Variants in KLHL32 observed in about 807,000 individuals in gnomAD.
KLHL32 encodes kelch like family member 32.
A neutral mutation model predicts 64.8 loss-of-function variants in KLHL32; 35 were observed. That is an observed-to-expected ratio of 0.54 (90% confidence interval 0.41 to 0.72). KLHL32 has a LOEUF of 0.72. KLHL32 is among the 30% of genes least tolerant of loss of function. KLHL32 has a pLI of 0.00. For missense variants in KLHL32, 589 were observed against 768.5 expected (o/e 0.77, Z 2.76); for synonymous variants, 259 against 281.0 (o/e 0.92, Z 0.78).
At chr6:96,946,246 T>C (rs996783448) in intron 1 of KLHL32, among the ~76,000 whole-genome samples, 2 of 152,208 alleles carry the variant, frequency 1.3e-5, no homozygotes, top group East Asian at 1.9e-4. Context: ...AGAATAGATA[T>C]ATAATATCTA....
chr6:97,051,248 C>T (rs956927447), intron 4 of KLHL32, among the ~76,000 whole-genome samples: 1 of 152,132 alleles, frequency 6.6e-6, no homozygotes, highest in African/African-American at 2.4e-5. Context: ...GTGTAAAAAT[C>T]CATTCAAATG....
chr6:97,024,909 CAT>C (rs1468430533), intron 3 of KLHL32: 1 of 757,654 alleles, frequency 1.3e-6, no homozygotes, highest in Non-Finnish European at 1.6e-6. Flanking sequence ...ATTTTTCTGC[CAT>C]ATCTTTTCTA....
At chr6:97,049,283 G>A (rs905204878) in intron 4 of KLHL32, among the ~76,000 whole-genome samples, 2 of 152,090 alleles carry the variant, frequency 1.3e-5, no homozygotes, top group African/African-American at 2.4e-5. Context: ...GTACCTTGGG[G>A]CCATTATTAA....
chr6:96,903,867 C>A, the KLHL32 span, among the ~76,000 whole-genome samples: 9 of 152,250 alleles, frequency 5.9e-5, no homozygotes, highest in Admixed American at 5.2e-4. Flanking sequence ...TATTGACCAG[C>A]TCACAAAGAA....
chr6:97,080,107 G>A lies in KLHL32; in HGVS notation c.412-5019G>A, dbSNP rs116418952. 6.6e-3 allele frequency among the ~76,000 whole-genome samples: 1,004 copies of A among 152,276 alleles called. 13 individuals are homozygous for A. Among genetic ancestry groups the A allele is most frequent in the African/African-American group, 0.023 (976 of 41,536 alleles). On this transcript the variant is annotated intron_variant, in intron 5 of 10. Transcript: ENST00000369261. ...TGTTGGACTGTAAAAGAAATTTGGG[G>A]TGGATTGATTTTTTTGTCACAGAAG...
intron 7 of KLHL32, among the ~76,000 whole-genome samples, chr6:97,123,708 GGGA>G (rs1195613268): frequency 6.6e-6 from 1 of 152,098 alleles, no homozygotes. Context: ...GGGTGGGGGA[GGGA>G]GATCAAAACT....
intron 3 of KLHL32, among the ~76,000 whole-genome samples, chr6:96,987,475 A>G (rs543952894): frequency 3.3e-5 from 5 of 152,222 alleles, no homozygotes; most frequent in Non-Finnish European, 7.3e-5. Context: ...ATGGAAGAAC[A>G]TTCCATGCTT....
chr6:96,998,679 C>G (rs980926088), intron 3 of KLHL32, among the ~76,000 whole-genome samples: 3 of 152,128 alleles, frequency 2.0e-5, no homozygotes, highest in Non-Finnish European at 4.4e-5. Flanking sequence ...TGCTTGAGGC[C>G]AAGCAAGTAC....
chr6:96,901,293 C>G, the KLHL32 span, among the ~76,000 whole-genome samples: 1 of 150,622 alleles, frequency 6.6e-6, no homozygotes, highest in Non-Finnish European at 1.5e-5. Flanking sequence ...AGGATAAAAT[C>G]AAGGTGTCAG....
At chr6:96,984,684 A>G (rs975536296) in intron 3 of KLHL32, among the ~76,000 whole-genome samples, 2 of 152,078 alleles carry the variant, frequency 1.3e-5, no homozygotes, top group Non-Finnish European at 2.9e-5. Context: ...ATCAGAGACT[A>G]GGATTGCAAC....
intron 4 of KLHL32, among the ~76,000 whole-genome samples, chr6:97,045,479 G>A (rs917924149): frequency 7.2e-6 from 1 of 139,332 alleles, no homozygotes; most frequent in Non-Finnish European, 1.5e-5. Flanking sequence ...GGATGAAATA[G>A]TAATTTTTTT....
chr6:96,932,574 C>CTTTTTT (rs1562168739), intron 1 of KLHL32, among the ~76,000 whole-genome samples: 1 of 133,876 alleles, frequency 7.5e-6, no homozygotes, highest in Non-Finnish European at 1.6e-5. Context: ...TCCCCCCCCC[C>CTTTTTT]CTTTTTTTTT....
At chr6:97,062,863 T>C (rs1399747837) in intron 4 of KLHL32, among the ~76,000 whole-genome samples, 1 of 152,198 alleles carries the variant, frequency 6.6e-6, no homozygotes, top group Non-Finnish European at 1.5e-5. Flanking sequence ...GAATGATGGC[T>C]GTTCAGGGGT....
chr6:96,944,398 A>C (rs1250271901), intron 1 of KLHL32, among the ~76,000 whole-genome samples: 1 of 152,202 alleles, frequency 6.6e-6, no homozygotes, highest in Non-Finnish European at 1.5e-5. Flanking sequence ...TTTACAATAG[A>C]CCTACATAAT....
At position 97,125,906 on chromosome 6, in the gene KLHL32, G is replaced by C. The variant is rs929825446; in HGVS notation, c.1355-1498G>C. On this transcript the variant is annotated intron_variant, in intron 7 of 10. Coordinates refer to ENST00000369261, the MANE Select transcript of KLHL32 (RefSeq NM_052904.4). The stretch of plus-strand genomic sequence containing the variant: ...GAAGATATTATTGGGTTATAAAACT[G>C]GCAAGCAGCTTTTAAAATGATTTAC... Among the ~76,000 whole-genome samples the C allele has an allele frequency of 2.0e-5, 3 of 152,164 alleles. No homozygotes were observed. The East Asian group carries it at 5.8e-4, about 29-fold the overall frequency.
chr6:97,036,065 G>A (rs186984778), intron 3 of KLHL32, among the ~76,000 whole-genome samples: 38 of 151,698 alleles, frequency 2.5e-4, no homozygotes, highest in African/African-American at 6.3e-4. Context: ...AATTTTAAAC[G>A]ACCAGTATTC....
At chr6:96,913,201 C>T in the KLHL32 span, among the ~76,000 whole-genome samples, 1 of 152,242 alleles carries the variant, frequency 6.6e-6, no homozygotes, top group Admixed American at 6.5e-5. Context: ...CATCATAACT[C>T]CAATTAGCCT....
At chr6:97,017,953 A>G (rs1172269058) in intron 3 of KLHL32, among the ~76,000 whole-genome samples, 1 of 152,202 alleles carries the variant, frequency 6.6e-6, no homozygotes, top group Admixed American at 6.5e-5. Context: ...TACACACACT[A>G]TGCTGTGTCA....
At chr6:97,055,615 T>C (rs12213319) in intron 4 of KLHL32, among the ~76,000 whole-genome samples, 17,841 of 151,964 alleles carry the variant, frequency 0.12, 1,112 homozygotes, top group African/African-American at 0.15. Context: ...CTGGCCAACA[T>C]GGTGAAACTC....
Sources: gnomAD v4.1 joint callset for allele counts (sites outside exome capture counted in the v4.1 genomes callset) on GRCh38, gnomAD v4.1.1 for gene constraint, MANE v1.5 for transcripts, NCBI Gene and HGNC (gene_info 2026-07-23, HGNC 2026-07-21) for gene names.